Variants in ARL15 observed in about 807,000 individuals in gnomAD.
ARL15 encodes the protein ARF like GTPase 15.
Under a neutral mutation model 25.2 loss-of-function variants are expected in ARL15, and 19 were observed. The ratio of observed to expected loss-of-function variants is 0.75; its 90% CI spans 0.53 to 1.10. The LOEUF (loss-of-function observed/expected upper bound fraction) is 1.10. Among genes scored for constraint, ARL15 ranks in the 50% least tolerant of loss-of-function variants. ARL15 has a pLI of 0.00. For synonymous variants in ARL15, 94 were observed against 86.8 expected (o/e 1.08, Z -0.46); for missense variants, 220 against 246.0 (o/e 0.89, Z 0.71).
intron 2 of ARL15, among the ~76,000 whole-genome samples, chr5:54,162,951 T>C (rs997267864): frequency 3.3e-5 from 5 of 152,190 alleles, no homozygotes; most frequent in Admixed American, 2.6e-4. Context: ...ATAGATGTGG[T>C]GAGAACAGAC....
intron 4 of ARL15, among the ~76,000 whole-genome samples, chr5:54,049,772 A>G (rs940153809): frequency 1.7e-4 from 26 of 151,634 alleles, no homozygotes; most frequent in African/African-American, 5.8e-4. Context: ...GGGTTTCGCC[A>G]TGTTGCCCAG....
intron 4 of ARL15, among the ~76,000 whole-genome samples, chr5:54,070,853 A>G (rs936754184): frequency 6.7e-5 from 10 of 149,592 alleles, no homozygotes; most frequent in African/African-American, 2.3e-4. Flanking sequence ...GTCTCAAAGG[A>G]AAAAAAAAGA....
intron 4 of ARL15, among the ~76,000 whole-genome samples, chr5:54,009,395 T>G (rs1194193318): frequency 6.6e-6 from 1 of 152,190 alleles, no homozygotes; most frequent in Non-Finnish European, 1.5e-5. Context: ...AAATATAGAT[T>G]TGTAAGGTTT....
chr5:53,988,130 G>GATAATA (rs552156638), intron 4 of ARL15, among the ~76,000 whole-genome samples: 3 of 149,118 alleles, frequency 2.0e-5, no homozygotes, highest in Non-Finnish European at 1.5e-5. Context: ...TAATAATAAT[G>GATAATA]ATAATAATAA....
At chr5:54,082,589 C>A (rs745616885) in intron 4 of ARL15, among the ~76,000 whole-genome samples, 1 of 152,174 alleles carries the variant, frequency 6.6e-6, no homozygotes, top group African/African-American at 2.4e-5. Context: ...ACTAAAGACA[C>A]ATAATCTAAT....
chr5:54,011,349 T>C (rs1258161144), intron 4 of ARL15, among the ~76,000 whole-genome samples: 1 of 152,216 alleles, frequency 6.6e-6, no homozygotes, highest in African/African-American at 2.4e-5. Flanking sequence ...ACTTTCTATA[T>C]GACCCGTTTC....
chr5:54,080,010 C>CACACACACACACACATAT (rs775031344), intron 4 of ARL15, among the ~76,000 whole-genome samples: 12 of 144,784 alleles, frequency 8.3e-5, no homozygotes, highest in South Asian at 4.5e-4. Flanking sequence ...CACACACACA[C>CACACACACACACACATAT]ACACACAGAC....
intron 1 of ARL15, among the ~76,000 whole-genome samples, chr5:54,172,287 G>A (rs1754743101): frequency 6.6e-6 from 1 of 152,072 alleles, no homozygotes; most frequent in Non-Finnish European, 1.5e-5. Context: ...TAAGGCAACT[G>A]GCCTGTTCTC....
intron 4 of ARL15, among the ~76,000 whole-genome samples, chr5:53,940,213 T>A (rs1746497495): frequency 6.6e-6 from 1 of 152,132 alleles, no homozygotes; most frequent in South Asian, 2.1e-4. Context: ...GACCCCGTCA[T>A]CCGCCCACCT....
At chr5:54,146,140 T>C (rs1452157138) in intron 3 of ARL15, among the ~76,000 whole-genome samples, 1 of 152,002 alleles carries the variant, frequency 6.6e-6, no homozygotes, top group Non-Finnish European at 1.5e-5. Context: ...TTTTATTTTA[T>C]GTATATACCC....
chr5:53,926,790 T>C (rs1746041487), intron 4 of ARL15, among the ~76,000 whole-genome samples: 1 of 152,298 alleles, frequency 6.6e-6, no homozygotes, highest in East Asian at 1.9e-4. Flanking sequence ...GATACTATTC[T>C]GTATGGACCT....
At chr5:54,021,814 C>T (rs569050084) in intron 4 of ARL15, among the ~76,000 whole-genome samples, 1 of 152,034 alleles carries the variant, frequency 6.6e-6, no homozygotes, top group African/African-American at 2.4e-5. Context: ...TTTGAAAAAC[C>T]CATGGAAATC....
At chr5:54,047,000 T>C (rs1009306928) in intron 4 of ARL15, among the ~76,000 whole-genome samples, 1 of 152,158 alleles carries the variant, frequency 6.6e-6, no homozygotes, top group Non-Finnish European at 1.5e-5. Flanking sequence ...CTGTCATGCT[T>C]CAATCTCTCA....
intron 1 of ARL15, among the ~76,000 whole-genome samples, chr5:54,280,978 A>G (rs1006778635): frequency 1.3e-5 from 2 of 152,084 alleles, no homozygotes; most frequent in African/African-American, 4.8e-5. Flanking sequence ...CTGGTGGAAA[A>G]AAAAAAAAAA....
chr5:54,050,870 C>T (rs1249139501), intron 4 of ARL15, among the ~76,000 whole-genome samples: 1 of 152,130 alleles, frequency 6.6e-6, no homozygotes, highest in Non-Finnish European at 1.5e-5. Context: ...TAATCTTCTG[C>T]TTCTGATCCT....
rs149839824 is a variant in ARL15, at chr5:54,248,484, T to TAGAC, written c.48+61947_48+61948insGTCT. 9.7e-3 allele frequency among the ~76,000 whole-genome samples: 1,483 copies of TAGAC among 152,362 alleles called. 9 individuals are homozygous for TAGAC. The highest frequency in any genetic ancestry group is 0.02 in the Middle Eastern group (6 of 294). On this transcript the variant is annotated intron_variant, in intron 1 of 4. Transcript: ENST00000504924. ...CTAGAAAGGACTTCCCTCCACTGTC[T>TAGAC]GCATGGCTTACTCCTATAGCTTCTT...
At position 54,267,282 on chromosome 5, in the gene ARL15, G is replaced by A. The variant is rs188590659; in HGVS notation, c.48+43150C>T. ...AATTTTTTGTATTTTTAGTAGAGACGGGGTTTCACATTGTTAGCCAGGACG... is the reference window on the plus strand; with the variant it reads ...AATTTTTTGTATTTTTAGTAGAGACAGGGTTTCACATTGTTAGCCAGGACG... On this transcript the variant is annotated intron_variant, in intron 1 of 4. Coordinates refer to ENST00000504924, the MANE Select transcript of ARL15 (RefSeq NM_019087.3). Among the ~76,000 whole-genome samples the A allele has an allele frequency of 2.8e-3, 427 of 152,182 alleles. 4 individuals are homozygous for A. Among genetic ancestry groups the A allele is most frequent in the African/African-American group, 9.1e-3 (377 of 41,502 alleles).
chr5:54,044,240 ATTTTTT>A (rs1196537602), intron 4 of ARL15, among the ~76,000 whole-genome samples: 14 of 128,742 alleles, frequency 1.1e-4, no homozygotes, highest in Non-Finnish European at 1.6e-4. Context: ...CCATTATTTA[ATTTTTT>A]TTTTTTTTTT....
chr5:53,929,344 T>C (rs913992569), intron 4 of ARL15, among the ~76,000 whole-genome samples: 9 of 152,340 alleles, frequency 5.9e-5, no homozygotes, highest in Middle Eastern at 3.4e-3. Flanking sequence ...TTGTAGTCAT[T>C]TGAGAAAAGT....
Sources: allele counts gnomAD v4.1 joint callset (sites outside exome capture counted in the v4.1 genomes callset), GRCh38; gene constraint gnomAD v4.1.1; transcripts MANE v1.5; gene names NCBI Gene and HGNC (gene_info 2026-07-23, HGNC 2026-07-21).